The following FTO variants were observed in gnomAD, a reference collection of about 807,000 sequenced individuals.
FTO encodes FTO alpha-ketoglutarate dependent dioxygenase, also known as alpha-ketoglutarate-dependent dioxygenase FTO.
FTO carries 47 observed loss-of-function variants against 63.9 expected under a neutral mutation model. The observed-to-expected ratio is 0.74, with a 90% confidence interval of 0.58 to 0.94. The LOEUF (loss-of-function observed/expected upper bound fraction) is 0.94, where lower values mean the gene tolerates loss of function less well. FTO is among the 40% of genes least tolerant of loss of function. FTO has a pLI of 0.00. For synonymous variants in FTO, 207 were observed against 224.4 expected (o/e 0.92, Z 0.69); for missense variants, 562 against 618.1 (o/e 0.91, Z 0.96).
intron 8 of FTO, among the ~76,000 whole-genome samples, chr16:54,109,124 A>AT (rs1422352860): frequency 6.6e-6 from 1 of 152,144 alleles, no homozygotes; most frequent in Admixed American, 6.5e-5. Flanking sequence ...GCTGGCCCCT[A>AT]TTACTATCAT....
chr16:53,725,771 C>G (rs1448759694), intron 1 of FTO, among the ~76,000 whole-genome samples: 1 of 152,172 alleles, frequency 6.6e-6, no homozygotes, highest in Non-Finnish European at 1.5e-5. Context: ...TAAAGAGTGA[C>G]TAGTGTTGCC....
At chr16:53,980,060 G>T (rs1159168412) in intron 8 of FTO, among the ~76,000 whole-genome samples, 1 of 152,210 alleles carries the variant, frequency 6.6e-6, no homozygotes, top group Non-Finnish European at 1.5e-5. Flanking sequence ...GGCTTGCTTA[G>T]CTTAGCTTCA....
At chr16:54,097,870 A>G (rs2086551510) in intron 8 of FTO, among the ~76,000 whole-genome samples, 1 of 152,186 alleles carries the variant, frequency 6.6e-6, no homozygotes, top group Admixed American at 6.5e-5. Flanking sequence ...TAAGGCGGTC[A>G]AGGAAGGTCT....
At chr16:53,822,157 C>T (rs148508872) in intron 2 of FTO, among the ~76,000 whole-genome samples, 68 of 152,178 alleles carry the variant, frequency 4.5e-4, no homozygotes, top group Non-Finnish European at 7.9e-4. Flanking sequence ...GCAAACAGCT[C>T]TAATGACCAG....
intron 3 of FTO, among the ~76,000 whole-genome samples, chr16:53,830,871 G>A (rs564909523): frequency 3.9e-5 from 6 of 152,262 alleles, no homozygotes; most frequent in East Asian, 1.9e-4. Context: ...ACTCCAGCCC[G>A]GGCGACAGAG....
At chr16:53,900,526 A>G (rs1351934264) in intron 7 of FTO, among the ~76,000 whole-genome samples, 4 of 151,556 alleles carry the variant, frequency 2.6e-5, no homozygotes. Context: ...ATTGGATAAT[A>G]ATTATATTTG....
At chr16:53,940,729 C>G (rs2082509495) in intron 8 of FTO, among the ~76,000 whole-genome samples, 1 of 152,174 alleles carries the variant, frequency 6.6e-6, no homozygotes, top group South Asian at 2.1e-4. Flanking sequence ...CTTCGAAAAG[C>G]TTTTAGAACT....
chr16:53,747,012 T>C (rs2076666434), intron 1 of FTO, among the ~76,000 whole-genome samples: 1 of 152,220 alleles, frequency 6.6e-6, no homozygotes, highest in African/African-American at 2.4e-5. Context: ...TTCCATCCAA[T>C]GTTGCTGCAA....
intron 8 of FTO, among the ~76,000 whole-genome samples, chr16:54,010,419 C>CCAAA (rs1175971437): frequency 6.6e-6 from 1 of 152,044 alleles, no homozygotes; most frequent in African/African-American, 2.4e-5. Context: ...AACCGACCAG[C>CCAAA]CAAACAAACA....
At chr16:54,103,766 T>C (rs1284817722) in intron 8 of FTO, among the ~76,000 whole-genome samples, 1 of 152,212 alleles carries the variant, frequency 6.6e-6, no homozygotes, top group African/African-American at 2.4e-5. Flanking sequence ...AAAGACACAT[T>C]ACAAATTCAT....
At chr16:53,722,505 A>C (rs1020070662) in intron 1 of FTO, among the ~76,000 whole-genome samples, 1 of 152,060 alleles carries the variant, frequency 6.6e-6, no homozygotes, top group Non-Finnish European at 1.5e-5. Flanking sequence ...TCTGCTCTCC[A>C]TCACCAGTAG....
chr16:54,038,545 T>C (rs1356813438), intron 8 of FTO, among the ~76,000 whole-genome samples: 2 of 152,174 alleles, frequency 1.3e-5, no homozygotes, highest in African/African-American at 4.8e-5. Flanking sequence ...AAATTGCATG[T>C]TGAAATGTGA....
At chr16:53,931,421 C>T (rs1322887948) in intron 7 of FTO, among the ~76,000 whole-genome samples, 1 of 151,526 alleles carries the variant, frequency 6.6e-6, no homozygotes. Flanking sequence ...ATTCTCCTGC[C>T]TCAGCCTCCC....
intron 1 of FTO, among the ~76,000 whole-genome samples, chr16:53,733,845 G>A (rs998924168): frequency 1.3e-5 from 2 of 152,158 alleles, no homozygotes; most frequent in Non-Finnish European, 2.9e-5. Flanking sequence ...ATCTTAAAAT[G>A]TAACTTACTT....
chr16:53,928,968 C>T (rs957391330), intron 7 of FTO, among the ~76,000 whole-genome samples: 3 of 151,962 alleles, frequency 2.0e-5, no homozygotes, highest in Non-Finnish European at 4.4e-5. Flanking sequence ...CTCAGCCTCC[C>T]GAGTAGCTGG....
chr16:54,035,323 C>G (rs571499380), intron 8 of FTO, among the ~76,000 whole-genome samples: 28 of 152,270 alleles, frequency 1.8e-4, no homozygotes, highest in African/African-American at 6.3e-4. Flanking sequence ...TTGATGGGGC[C>G]ATTGTGGTTC....
At chr16:53,900,640 A>G (rs1263535714) in intron 7 of FTO, among the ~76,000 whole-genome samples, 4 of 95,024 alleles carry the variant, frequency 4.2e-5, no homozygotes, top group African/African-American at 1.4e-4. Flanking sequence ...TTTTTTGCAG[A>G]TAAGTGTGGA....
chr16:53,719,484 C>T (rs2151484221), intron 1 of FTO, among the ~76,000 whole-genome samples: 1 of 152,082 alleles, frequency 6.6e-6, no homozygotes, highest in South Asian at 2.1e-4. Flanking sequence ...TGGCATTGAG[C>T]ATAACATTCT....
chr16:53,975,767 A>C (rs2083423384), intron 8 of FTO, among the ~76,000 whole-genome samples: 1 of 152,198 alleles, frequency 6.6e-6, no homozygotes, highest in Non-Finnish European at 1.5e-5. Context: ...AGATCCAAAC[A>C]GTCACATAGG....
Sources: allele counts gnomAD v4.1 joint callset (sites outside exome capture counted in the v4.1 genomes callset), GRCh38; gene constraint gnomAD v4.1.1; transcripts MANE v1.5; gene names NCBI Gene and HGNC (gene_info 2026-07-23, HGNC 2026-07-21).